The following FKBP5 variants were observed in gnomAD, a reference collection of about 807,000 sequenced individuals.
FKBP5 encodes the protein peptidyl-prolyl cis-trans isomerase FKBP5.
FKBP5 carries 23 observed loss-of-function variants against 50.5 expected under a neutral mutation model. The ratio of observed to expected loss-of-function variants is 0.46; its 90% CI spans 0.33 to 0.65. FKBP5 has a LOEUF of 0.65. Among genes scored for constraint, FKBP5 ranks in the 30% least tolerant of loss-of-function variants. FKBP5 has a pLI of 0.02. For missense variants in FKBP5, 411 were observed against 553.1 expected (o/e 0.74, Z 2.58); for synonymous variants, 176 against 190.6 (o/e 0.92, Z 0.63).
chr6:35,665,535 C>T (rs147454842), intron 1 of FKBP5, among the ~76,000 whole-genome samples: 134 of 152,226 alleles, frequency 8.8e-4, no homozygotes, highest in African/African-American at 3.1e-3. Context: ...ATGATCCGCC[C>T]GCCTCGGCCT....
intron 2 of FKBP5, among the ~76,000 whole-genome samples, chr6:35,706,425 A>G (rs1253068778): frequency 9.1e-5 from 3 of 33,056 alleles, no homozygotes; most frequent in Admixed American, 3.4e-4. Flanking sequence ...ACTCTGTCTC[A>G]AAAAAAAAAA....
intron 3 of FKBP5, among the ~76,000 whole-genome samples, chr6:35,622,764 A>T (rs1447373276): frequency 6.6e-6 from 1 of 152,186 alleles, no homozygotes; most frequent in Non-Finnish European, 1.5e-5. Flanking sequence ...AGAAAGGAGG[A>T]TGTACATTTT....
intron 5 of FKBP5, among the ~76,000 whole-genome samples, chr6:35,598,929 C>T (rs1019231176): frequency 2.0e-5 from 3 of 152,086 alleles, no homozygotes; most frequent in Admixed American, 6.5e-5. Flanking sequence ...GATTGCGCTA[C>T]TGCACTCCAG....
At chr6:35,658,506 C>T (rs1021170389) in intron 1 of FKBP5, among the ~76,000 whole-genome samples, 2 of 152,098 alleles carry the variant, frequency 1.3e-5, no homozygotes, top group African/African-American at 4.8e-5. Flanking sequence ...ATGATTTCAG[C>T]TATTGGTTTT....
intron 5 of FKBP5, among the ~76,000 whole-genome samples, chr6:35,602,268 T>A (rs542182872): frequency 1.3e-5 from 2 of 152,172 alleles, no homozygotes; most frequent in Non-Finnish European, 2.9e-5. Context: ...GCTCCATAAC[T>A]TAAAAAACAA....
upstream of FKBP5, among the ~76,000 whole-genome samples, chr6:35,690,427 T>A (rs1765962722): frequency 6.6e-6 from 1 of 151,310 alleles, no homozygotes; most frequent in Non-Finnish European, 1.5e-5. Context: ...ATCGCACCAT[T>A]GCACTCCAGC....
At chr6:35,681,706 T>C (rs1488126318) in intron 1 of FKBP5, among the ~76,000 whole-genome samples, 1 of 152,160 alleles carries the variant, frequency 6.6e-6, no homozygotes. Context: ...AGAAAAAAAG[T>C]TTCGCATATA....
At chr6:35,664,454 C>T (rs926876926) in intron 1 of FKBP5, among the ~76,000 whole-genome samples, 3 of 152,186 alleles carry the variant, frequency 2.0e-5, no homozygotes, top group African/African-American at 7.2e-5. Context: ...AATTTTCTGA[C>T]ATGCCACTCC....
At chr6:35,652,184 T>C (rs902510645) in intron 1 of FKBP5, among the ~76,000 whole-genome samples, 1 of 152,264 alleles carries the variant, frequency 6.6e-6, no homozygotes, top group African/African-American at 2.4e-5. Context: ...CTTAATCCTG[T>C]CAGCCGAGAA....
chr6:35,577,371 A>G, intron 9 of FKBP5, 138 bp from the exon 10 acceptor site: 1 of 670,270 alleles, frequency 1.5e-6, no homozygotes, highest in South Asian at 2.9e-5. Flanking sequence ...CATACTACTG[A>G]TCAAAATTTA....
intron 3 of FKBP5, among the ~76,000 whole-genome samples, chr6:35,633,634 T>C (rs1764228470): frequency 6.6e-6 from 1 of 152,092 alleles, no homozygotes; most frequent in African/African-American, 2.4e-5. Flanking sequence ...AAATACGTTA[T>C]GTTATAGATG....
At chr6:35,597,479 T>A in intron 5 of FKBP5, 75 bp from the exon 6 acceptor site, 3 of 1,482,890 alleles carry the variant, frequency 2.0e-6, no homozygotes. Context: ...GATAAATGAG[T>A]GGTCGACAAT....
chr6:35,662,522 G>A (rs188169436), intron 1 of FKBP5, among the ~76,000 whole-genome samples: 102 of 151,460 alleles, frequency 6.7e-4, no homozygotes, highest in African/African-American at 2.3e-3. Flanking sequence ...GGGCTCAAGC[G>A]ATCCTGCCAC....
chr6:35,687,342 G>A (rs1765856456), intron 1 of FKBP5, among the ~76,000 whole-genome samples: 1 of 152,094 alleles, frequency 6.6e-6, no homozygotes, highest in South Asian at 2.1e-4. Context: ...GTCAGCTGGG[G>A]GAGAGACAAA....
chr6:35,662,638 G>A (rs1266860779), intron 1 of FKBP5, among the ~76,000 whole-genome samples: 2 of 151,938 alleles, frequency 1.3e-5, no homozygotes, highest in Non-Finnish European at 1.5e-5. Context: ...CTAATATTTG[G>A]TGCCACTAGT....
chr6:35,646,791 C>T lies in FKBP5; in HGVS notation c.-19-3948G>A, dbSNP rs529134512. Among the ~76,000 whole-genome samples the T allele has an allele frequency of 1.6e-4, 24 of 152,290 alleles. 1 individual carries two copies. The highest frequency in any genetic ancestry group is 1.3e-3 in the East Asian group (7 of 5,186). On this transcript the variant is annotated intron_variant, in intron 1 of 10. Coordinates refer to ENST00000357266, the MANE Select transcript of FKBP5 (RefSeq NM_004117.4). The stretch of plus-strand genomic sequence containing the variant: ...AATGCATCAGAAAGGGAACACAGTT[C>T]GTTCTGTTATGGACATGGCAGATAA...
intron 9 of FKBP5, among the ~76,000 whole-genome samples, chr6:35,579,514 A>G (rs1762354422): frequency 6.6e-6 from 1 of 152,216 alleles, no homozygotes; most frequent in African/African-American, 2.4e-5. Context: ...TAAGCACTCA[A>G]AAGACCAAAG....
chr6:35,597,170 A>G, intron 6 of FKBP5, 78 bp downstream of exon 6: 1 of 1,530,580 alleles, frequency 6.5e-7, no homozygotes, highest in South Asian at 1.2e-5. Flanking sequence ...TGAAAATGCC[A>G]AAACACTGAA....
At chr6:35,695,337 GTATTT>G (rs1415171370) in intron 2 of FKBP5, among the ~76,000 whole-genome samples, 2 of 152,060 alleles carry the variant, frequency 1.3e-5, no homozygotes, top group African/African-American at 4.8e-5. Flanking sequence ...CTAATCTTTT[GTATTT>G]TTTAGTAGAG....
Sources: allele counts gnomAD v4.1 joint callset (sites outside exome capture counted in the v4.1 genomes callset), GRCh38; gene constraint gnomAD v4.1.1; transcripts MANE v1.5; gene names NCBI Gene and HGNC (gene_info 2026-07-23, HGNC 2026-07-21).